The following FSD1L variants were observed in gnomAD, a reference collection of about 807,000 sequenced individuals.
FSD1L encodes the protein fibronectin type III and SPRY domain containing 1 like, also known as FSD1-like protein.
A neutral mutation model predicts 71.6 loss-of-function variants in FSD1L; 45 were observed. That is an observed-to-expected ratio of 0.63 (90% CI 0.49 to 0.81). The LOEUF (loss-of-function observed/expected upper bound fraction) is 0.81. FSD1L is among the 30% of genes least tolerant of loss of function. FSD1L has a pLI of 0.00. For synonymous variants in FSD1L, 197 were observed against 207.2 expected (o/e 0.95, Z 0.42); for missense variants, 561 against 618.1 (o/e 0.91, Z 0.98).
rs1020670890 is a variant in FSD1L at position 105,524,364 on chromosome 9, C to T, written c.1026-10129C>T. ...TCAGATCCTAATAGCTACCATCACC[C>T]ATCTTTTACCAAGTACAGAGGCTTC... On this transcript the variant is annotated intron_variant, in intron 10 of 13. Coordinates refer to ENST00000481272, the MANE Select transcript of FSD1L (RefSeq NM_001145313.3). The T allele has an allele frequency of 5.0e-6, 8 of 1,613,852 alleles. No individual in the cohort carries two copies. In the African/African-American group the frequency reaches 6.7e-5, roughly 13 times the overall value.
rs576159413 is a variant in FSD1L, at chr9:105,484,651, T to G, written c.586+149T>G. 3.7e-5 allele frequency: 18 copies of G among 491,958 alleles called. No individual in the cohort carries two copies. The South Asian group carries it at 7.2e-4, about 20-fold the overall frequency. 30.5% of individuals were successfully genotyped at this position (491,958 alleles called of 1,614,324 possible). ...TAAGGAATAATTAAATTTGCTAGTT[T>G]TTTTTTATTTTTAGAGATTTTATTG... On this transcript the variant is annotated intron_variant, in intron 7 of 13. Coordinates refer to ENST00000481272, the MANE Select transcript of FSD1L (RefSeq NM_001145313.3).
chr9:105,468,741 C>T (rs1279634866), intron 4 of FSD1L, among the ~76,000 whole-genome samples: 1 of 152,082 alleles, frequency 6.6e-6, no homozygotes, highest in Non-Finnish European at 1.5e-5. Flanking sequence ...GTGATCCACC[C>T]GTCTTGGCCT....
chr9:105,508,537 G>A (rs911279005), intron 8 of FSD1L, 80 bp from the exon 9 acceptor site: 8 of 777,268 alleles, frequency 1.0e-5, no homozygotes, highest in Non-Finnish European at 1.7e-5. Context: ...GGTTCTTAAT[G>A]CCTGAAGGCT....
At chr9:105,522,085 C>T in intron 10 of FSD1L, 1 of 1,613,356 alleles carries the variant, frequency 6.2e-7, no homozygotes, top group Admixed American at 1.7e-5. Context: ...AAAAATATGA[C>T]CTTGGCAGGT....
chr9:105,516,690 AG>A (rs1263578237), intron 10 of FSD1L, among the ~76,000 whole-genome samples: 2 of 152,228 alleles, frequency 1.3e-5, no homozygotes, highest in African/African-American at 2.4e-5. Context: ...CAAATACAGA[AG>A]GTAGACACAT....
chr9:105,525,416 A>G (rs554105400), intron 10 of FSD1L: 2 of 1,607,632 alleles, frequency 1.2e-6, no homozygotes, highest in African/African-American at 2.7e-5. Flanking sequence ...GATGTTATTA[A>G]TGCTATCCTT....
At chr9:105,491,142 G>A (rs1410717686) in intron 7 of FSD1L, among the ~76,000 whole-genome samples, 1 of 152,084 alleles carries the variant, frequency 6.6e-6, no homozygotes, top group South Asian at 2.1e-4. Context: ...CCATGAGCAT[G>A]GAATGTTCTT....
chr9:105,512,175 T>C (rs1589047797), intron 9 of FSD1L, among the ~76,000 whole-genome samples: 2 of 151,924 alleles, frequency 1.3e-5, no homozygotes, highest in South Asian at 4.2e-4. Flanking sequence ...TTCCTCAAAA[T>C]ATTAAATAAT....
At chr9:105,544,956 C>G (rs1836884743) in intron 13 of FSD1L, among the ~76,000 whole-genome samples, 1 of 152,120 alleles carries the variant, frequency 6.6e-6, no homozygotes, top group South Asian at 2.1e-4. Context: ...TTTTCCCATT[C>G]TGTGAAGAAA....
At chr9:105,493,545 G>T (rs1347738190) in intron 7 of FSD1L, among the ~76,000 whole-genome samples, 1 of 152,140 alleles carries the variant, frequency 6.6e-6, no homozygotes, top group Non-Finnish European at 1.5e-5. Flanking sequence ...CTGTCATTAT[G>T]ATGTTAGCTG....
At chr9:105,506,724 T>C (rs1834071187) in intron 8 of FSD1L, 116 bp downstream of exon 8, 2 of 724,042 alleles carry the variant, frequency 2.8e-6, no homozygotes, top group Non-Finnish European at 4.5e-6. Context: ...CACTGAGTTT[T>C]TAGATACTCA....
At position 105,539,359 on chromosome 9, in the gene FSD1L, T is replaced by C; in HGVS notation, c.1467+8T>C. 1 of 1,297,686 alleles carries C rather than the reference T, an allele frequency of 7.7e-7. No homozygotes were observed. Among genetic ancestry groups the C allele is most frequent in the East Asian group, 2.6e-5 (1 of 39,196 alleles). 80.4% of individuals were successfully genotyped at this position (1,297,686 alleles called of 1,614,324 possible). The stretch of plus-strand genomic sequence containing the variant: ...GTACTACCTGGTTTCATGGTTAGTA[T>C]GTTTTATATCTTATATATACCTAAC... On this transcript the variant is annotated splice_region_variant and intron_variant, in intron 13 of 13. Transcript: ENST00000481272.
In FSD1L at chr9:105,539,401, G is replaced by A. The variant is rs140010810; in HGVS notation, c.1467+50G>A. On this transcript the variant is annotated intron_variant, in intron 13 of 13. Coordinates refer to ENST00000481272, the MANE Select transcript of FSD1L (RefSeq NM_001145313.3). ...ATACCTAACATATTTTACTTGGTTGGCAACTTTAAGGAGAATATTCTATAC... is the reference window on the plus strand; with the variant it reads ...ATACCTAACATATTTTACTTGGTTGACAACTTTAAGGAGAATATTCTATAC... 6.8e-4 allele frequency: 551 copies of A among 805,878 alleles called. 4 individuals are homozygous for A. The African/African-American group carries it at 9.1e-3, about 13-fold the overall frequency. 49.9% of individuals were successfully genotyped at this position (805,878 alleles called of 1,614,324 possible). A position where few individuals can be genotyped will look rare whatever the true frequency, so the allele number is the denominator to read the frequency against.
chr9:105,493,957 G>T (rs1833151208), intron 7 of FSD1L, among the ~76,000 whole-genome samples: 2 of 152,112 alleles, frequency 1.3e-5, no homozygotes, highest in African/African-American at 2.4e-5. Flanking sequence ...TTCAACCTTG[G>T]TGAATCTGAC....
intron 7 of FSD1L, among the ~76,000 whole-genome samples, chr9:105,497,221 T>C (rs147112678): frequency 6.6e-6 from 1 of 151,818 alleles, no homozygotes; most frequent in African/African-American, 2.4e-5. Context: ...AAATACCAGT[T>C]GGTCAAGGGT....
chr9:105,507,030 G>A (rs9657645), intron 8 of FSD1L, among the ~76,000 whole-genome samples: 17,214 of 152,134 alleles, frequency 0.11, 1,409 homozygotes, highest in African/African-American at 0.23. Flanking sequence ...GTAACATAGT[G>A]AAACAGAATA....
chr9:105,492,824 TAATCCTG>T (rs1259818647), intron 7 of FSD1L, among the ~76,000 whole-genome samples: 2 of 152,236 alleles, frequency 1.3e-5, no homozygotes, highest in African/African-American at 4.8e-5. Flanking sequence ...GTGAGTTTCT[TAATCCTG>T]AATTCTAGTT....
chr9:105,468,411 G>A, intron 4 of FSD1L, 87 bp downstream of exon 4: 1 of 1,016,648 alleles, frequency 9.8e-7, no homozygotes, highest in Admixed American at 3.9e-5. Flanking sequence ...GAATTTCTAA[G>A]TATAACTATA....
intron 10 of FSD1L, chr9:105,521,741 C>T (rs573638148): frequency 1.2e-6 from 2 of 1,613,070 alleles, no homozygotes; most frequent in East Asian, 2.2e-5. Flanking sequence ...TTCGAAATTC[C>T]AGTTGGGCAA....
Sources: allele counts gnomAD v4.1 joint callset (sites outside exome capture counted in the v4.1 genomes callset), GRCh38; gene constraint gnomAD v4.1.1; transcripts MANE v1.5; gene names NCBI Gene and HGNC (gene_info 2026-07-23, HGNC 2026-07-21).